The following PCMT1 variants were observed in gnomAD, a reference collection of about 807,000 sequenced individuals.
PCMT1 encodes protein-L-isoaspartate(D-aspartate) O-methyltransferase.
PCMT1 carries 9 observed loss-of-function variants against 29.2 expected under a neutral mutation model. The ratio of observed to expected loss-of-function variants is 0.31; its 90% CI spans 0.19 to 0.54. PCMT1 has a LOEUF of 0.54. Ranked by LOEUF, PCMT1 falls within the 20% of genes least tolerant of loss-of-function variation. The pLI is 0.95. For missense variants in PCMT1, 184 were observed against 282.2 expected, an observed-to-expected ratio of 0.65 and a Z score of 2.49; for synonymous variants, 98 against 97.5, an observed-to-expected ratio of 1.00 and a Z score of -0.03.
At chr6:149,762,166 CAT>C (rs1439280169) in intron 1 of PCMT1, among the ~76,000 whole-genome samples, 10 of 151,976 alleles carry the variant, frequency 6.6e-5, no homozygotes, top group East Asian at 1.9e-4. Context: ...GGAAAAGAAA[CAT>C]ATTTTTCTTA....
At position 149,803,527 on chromosome 6, in the gene PCMT1, TC is replaced by T. The variant is rs544823918; in HGVS notation, c.*37+1114del. On this transcript the variant is annotated intron_variant, in intron 7 of 7. Coordinates refer to ENST00000464889, the MANE Select transcript of PCMT1 (RefSeq NM_001360452.2). ...GCCAAGATTTCTCTTTTCCTCCCCT[TC>T]CCACTCCCTTCCATGAGAGAGAGTG... Among the ~76,000 whole-genome samples the T allele has an allele frequency of 3.7e-3, 540 of 147,904 alleles. 2 individuals carry two copies. The highest frequency in any genetic ancestry group is 6.3e-3 in the Non-Finnish European group (421 of 66,526).
At chr6:149,782,961 C>T (rs1787876045) in intron 3 of PCMT1, among the ~76,000 whole-genome samples, 1 of 151,870 alleles carries the variant, frequency 6.6e-6, no homozygotes, top group South Asian at 2.1e-4. Flanking sequence ...TTCAAGACCA[C>T]CCTGGGCAAC....
intron 1 of PCMT1, among the ~76,000 whole-genome samples, chr6:149,766,704 C>A (rs567013791): frequency 1.3e-5 from 2 of 152,286 alleles, no homozygotes; most frequent in African/African-American, 4.8e-5. Flanking sequence ...CTATTTGGAC[C>A]TTTACAGTTG....
intron 1 of PCMT1, among the ~76,000 whole-genome samples, chr6:149,758,984 C>G (rs974768718): frequency 2.0e-5 from 3 of 149,432 alleles, no homozygotes; most frequent in African/African-American, 7.7e-5. Flanking sequence ...TCAAGTGATT[C>G]TCCTACCTCA....
intron 1 of PCMT1, among the ~76,000 whole-genome samples, chr6:149,764,201 T>C (rs1786977360): frequency 6.6e-6 from 1 of 152,176 alleles, no homozygotes; most frequent in Non-Finnish European, 1.5e-5. Context: ...AGTAGCAGTA[T>C]AGTGAAGTGA....
In PCMT1 at chr6:149,796,406, T is replaced by G; in HGVS notation, c.419-9T>G. 6.2e-7 allele frequency: 1 copy of G among 1,608,340 alleles called. No homozygotes were observed. Among genetic ancestry groups the G allele is most frequent in the Non-Finnish European group, 8.5e-7 (1 of 1,176,470 alleles). On this transcript the variant is annotated splice_polypyrimidine_tract_variant and intron_variant, in intron 5 of 7. Transcript: ENST00000464889. ...ACAGGTTTTTAAAGCATAGCTGTTTTTCTTTCAGTGGGGGATGGAAGAATG... is the reference window on the plus strand; with the variant it reads ...ACAGGTTTTTAAAGCATAGCTGTTTGTCTTTCAGTGGGGGATGGAAGAATG...
intron 1 of PCMT1, among the ~76,000 whole-genome samples, chr6:149,764,706 C>T (rs1786998394): frequency 6.6e-6 from 1 of 152,114 alleles, no homozygotes; most frequent in African/African-American, 2.4e-5. Context: ...TGCCACTGCA[C>T]TCCAGCCTGG....
chr6:149,802,204 T>C lies in PCMT1; in HGVS notation c.509T>C (p.Ile170Thr). Residue 170 changes from isoleucine (I) to threonine (T), a missense_variant, in exon 7 of 8, where the codon ATA becomes ACA. Coordinates refer to ENST00000464889, the MANE Select transcript of PCMT1 (RefSeq NM_001360452.2). ...GCTTTTTTTTTTTTCTTTTAGCTAA[T>C]AGATCAGTTAAAGCCCGGAGGAAGA... ...AAAPVVPQALIDQLKPGGRLI... is the reference protein window; with the variant it reads ...AAAPVVPQALTDQLKPGGRLI... 2 of 1,577,350 alleles carry C rather than the reference T, an allele frequency of 1.3e-6. No individual in the cohort carries two copies. The highest frequency in any genetic ancestry group is 2.2e-5 in the East Asian group (1 of 44,518).
intron 3 of PCMT1, among the ~76,000 whole-genome samples, chr6:149,782,591 GTAC>G (rs1047103059): frequency 5.3e-5 from 8 of 152,156 alleles, no homozygotes; most frequent in Admixed American, 5.2e-4. Context: ...AAGTGAGGAA[GTAC>G]TCAAAGGCTG....
At chr6:149,762,608 AT>A (rs1786811661) in intron 1 of PCMT1, among the ~76,000 whole-genome samples, 1 of 34,398 alleles carries the variant, frequency 2.9e-5, no homozygotes, top group Non-Finnish European at 3.9e-5. Flanking sequence ...ATATATATCT[AT>A]GATATATATA....
intron 3 of PCMT1, 123 bp from the exon 4 acceptor site, chr6:149,789,831 A>G (rs894752773): frequency 3.8e-6 from 2 of 523,024 alleles, no homozygotes; most frequent in East Asian, 2.9e-5. Context: ...CAGATAGCCA[A>G]GATAACTTGG....
At chr6:149,758,192 T>C (rs934270565) in intron 1 of PCMT1, among the ~76,000 whole-genome samples, 2 of 101,712 alleles carry the variant, frequency 2.0e-5, no homozygotes, top group East Asian at 6.0e-4. Flanking sequence ...CCAATTTTTT[T>C]TTTCTTTCTT....
intron 1 of PCMT1, among the ~76,000 whole-genome samples, chr6:149,759,788 C>T (rs1280672723): frequency 6.6e-6 from 1 of 152,316 alleles, no homozygotes; most frequent in South Asian, 2.1e-4. Context: ...AGCCACTGCG[C>T]CCGGCCTATT....
At chr6:149,786,369 A>C (rs1471507401) in intron 3 of PCMT1, among the ~76,000 whole-genome samples, 37 of 54,200 alleles carry the variant, frequency 6.8e-4, no homozygotes, top group Non-Finnish European at 8.7e-4. Flanking sequence ...CGGGGGGCTG[A>C]CCCCCCCACC....
At chr6:149,764,502 T>A (rs1786988464) in intron 1 of PCMT1, among the ~76,000 whole-genome samples, 1 of 152,148 alleles carries the variant, frequency 6.6e-6, no homozygotes, top group Admixed American at 6.6e-5. Flanking sequence ...TAATCTCAGC[T>A]GAGGTGGGAG....
At chr6:149,773,206 A>C in intron 3 of PCMT1, 37 bp downstream of exon 3, 1 of 1,503,508 alleles carries the variant, frequency 6.7e-7, no homozygotes, top group Non-Finnish European at 9.2e-7. Flanking sequence ...CAAATGGATT[A>C]CATTTTTCTC....
In PCMT1 at chr6:149,802,388, TCTG is replaced by T; in HGVS notation, c.*12_*14del. On this transcript the variant is annotated 3_prime_UTR_variant, in exon 7 of 8. Coordinates refer to ENST00000464889, the MANE Select transcript of PCMT1 (RefSeq NM_001360452.2). Reference sequence around the variant, plus strand: ...GGTCCAGGTGGAAGTGATTTTATCTTCTGCTCTTTCTTCTTCCACACATGCAAG... The same window carrying T: ...GGTCCAGGTGGAAGTGATTTTATCTTCTCTTTCTTCTTCCACACATGCAAG... 6.3e-7 allele frequency: 1 copy of T among 1,596,504 alleles called. No homozygotes were observed. The highest frequency in any genetic ancestry group is 8.6e-7 in the Non-Finnish European group (1 of 1,169,318).
chr6:149,770,561 C>T (rs866579012), intron 1 of PCMT1, among the ~76,000 whole-genome samples: 1 of 151,902 alleles, frequency 6.6e-6, no homozygotes, highest in Non-Finnish European at 1.5e-5. Context: ...AAAAAATTAG[C>T]TGGGCGTGGT....
At chr6:149,752,204 T>C (rs1055987282) in intron 1 of PCMT1, among the ~76,000 whole-genome samples, 1 of 148,270 alleles carries the variant, frequency 6.7e-6, no homozygotes, top group Non-Finnish European at 1.5e-5. Context: ...ATGTCAACAT[T>C]TTTTTTTTTT....
Sources: gnomAD v4.1 joint callset for allele counts (sites outside exome capture counted in the v4.1 genomes callset) on GRCh38, gnomAD v4.1.1 for gene constraint, MANE v1.5 for transcripts, NCBI Gene and HGNC (gene_info 2026-07-23, HGNC 2026-07-21) for gene names.